The following RBFOX1 variants were observed in gnomAD, a reference collection of about 807,000 sequenced individuals.
The protein encoded by RBFOX1 is RNA binding protein fox-1 homolog 1.
A neutral mutation model predicts 57.7 loss-of-function variants in RBFOX1; 8 were observed. That is an observed-to-expected ratio of 0.14 (90% CI 0.08 to 0.25). The LOEUF (loss-of-function observed/expected upper bound fraction) is 0.25, where lower values mean the gene tolerates loss of function less well. Among genes scored for constraint, RBFOX1 ranks in the 10% least tolerant of loss-of-function variants. The pLI, the probability that RBFOX1 is intolerant of heterozygous loss-of-function variation, is 1.00. For missense variants in RBFOX1, 611 were observed against 548.5 expected (o/e 1.11, Z -1.14); for synonymous variants, 326 against 222.4 (o/e 1.47, Z -4.15).
chr16:6,972,256 C>T (rs946079158), intron 3 of RBFOX1, among the ~76,000 whole-genome samples: 4 of 151,948 alleles, frequency 2.6e-5, no homozygotes, highest in Non-Finnish European at 5.9e-5. Flanking sequence ...CCCCTTTCTC[C>T]CTCTCCCCAG....
At chr16:5,287,745 A>C (rs1357186505) in intron 1 of RBFOX1, among the ~76,000 whole-genome samples, 1 of 152,116 alleles carries the variant, frequency 6.6e-6, no homozygotes, top group East Asian at 1.9e-4. Flanking sequence ...ACAGTTTCCA[A>C]GTTTTTGGTC....
At chr16:6,908,587 A>C (rs2070716166) in intron 3 of RBFOX1, among the ~76,000 whole-genome samples, 1 of 152,204 alleles carries the variant, frequency 6.6e-6, no homozygotes, top group South Asian at 2.1e-4. Flanking sequence ...TGTGCCTGGC[A>C]CAGTGCTGAA....
chr16:5,285,086 C>T (rs1218506104), intron 1 of RBFOX1, among the ~76,000 whole-genome samples: 1 of 152,134 alleles, frequency 6.6e-6, no homozygotes. Context: ...CCATCTGGAA[C>T]TCCAAGAATT....
At chr16:7,510,774 C>G (rs559173119) in intron 4 of RBFOX1, among the ~76,000 whole-genome samples, 1 of 152,246 alleles carries the variant, frequency 6.6e-6, no homozygotes, top group South Asian at 2.1e-4. Context: ...CTGCAAGCAA[C>G]CATCAAGAAT....
chr16:6,426,436 A>T (rs1597082114), intron 2 of RBFOX1, among the ~76,000 whole-genome samples: 1 of 152,152 alleles, frequency 6.6e-6, no homozygotes, highest in South Asian at 2.1e-4. Context: ...GAGATAATCT[A>T]GGAGTCGGAG....
chr16:5,774,738 A>C (rs1359843214), intron 3 of RBFOX1, among the ~76,000 whole-genome samples: 2 of 152,156 alleles, frequency 1.3e-5, no homozygotes, highest in Non-Finnish European at 2.9e-5. Flanking sequence ...ACTAGAGTGC[A>C]GTGGCGCAAT....
chr16:5,345,995 A>G (rs962220335), intron 1 of RBFOX1, among the ~76,000 whole-genome samples: 11 of 152,198 alleles, frequency 7.2e-5, no homozygotes, highest in African/African-American at 2.7e-4. Flanking sequence ...ATGGAATAAC[A>G]TGGTGTGGGG....
At chr16:7,209,973 A>G (rs1381049212) in intron 4 of RBFOX1, among the ~76,000 whole-genome samples, 2 of 152,094 alleles carry the variant, frequency 1.3e-5, no homozygotes, top group African/African-American at 2.4e-5. Flanking sequence ...CCATTGATTC[A>G]CCTGTGCTTA....
chr16:5,734,653 C>T (rs1220921375), intron 3 of RBFOX1, among the ~76,000 whole-genome samples: 7 of 152,140 alleles, frequency 4.6e-5, no homozygotes, highest in African/African-American at 9.7e-5. Flanking sequence ...ACCTGCCTGT[C>T]GCCTTCCTCT....
At chr16:5,843,934 A>G (rs569031067) in intron 3 of RBFOX1, among the ~76,000 whole-genome samples, 1 of 152,224 alleles carries the variant, frequency 6.6e-6, no homozygotes, top group Non-Finnish European at 1.5e-5. Context: ...GAATTTTCCT[A>G]TCAGAAAAGT....
chr16:5,991,447 G>C (rs1476239970), intron 4 of RBFOX1, among the ~76,000 whole-genome samples: 1 of 152,128 alleles, frequency 6.6e-6, no homozygotes. Context: ...TTTGTGCTGG[G>C]GAATGGCAAT....
In RBFOX1 at chr16:6,294,707, A is replaced by G. The variant is rs550325420; in HGVS notation, c.-126-22288A>G. ...AAGTTTAGAAAATTGTGTTTTGGCAATTGGCACATAAATACCAGGTTGTCC... is the reference window on the plus strand; with the variant it reads ...AAGTTTAGAAAATTGTGTTTTGGCAGTTGGCACATAAATACCAGGTTGTCC... On this transcript the variant is annotated intron_variant, in intron 1 of 15. Coordinates refer to ENST00000550418, the MANE Select transcript of RBFOX1 (RefSeq NM_018723.4). 2.0e-3 allele frequency among the ~76,000 whole-genome samples: 303 copies of G among 152,316 alleles called. 1 individual carries two copies. Among genetic ancestry groups the G allele is most frequent in the African/African-American group, 7.0e-3 (292 of 41,578 alleles).
At chr16:5,722,645 C>G (rs1023236037) in intron 3 of RBFOX1, among the ~76,000 whole-genome samples, 2 of 152,192 alleles carry the variant, frequency 1.3e-5, no homozygotes, top group African/African-American at 4.8e-5. Context: ...GAGTCTGCAT[C>G]TGAAGTAGAC....
chr16:6,698,899 C>T (rs979462837), intron 3 of RBFOX1, among the ~76,000 whole-genome samples: 12 of 152,268 alleles, frequency 7.9e-5, no homozygotes, highest in African/African-American at 2.9e-4. Context: ...ATATTTTCCC[C>T]CTTATTCATA....
intron 2 of RBFOX1, among the ~76,000 whole-genome samples, chr16:6,552,560 A>G (rs934668494): frequency 1.9e-4 from 29 of 152,216 alleles, no homozygotes; most frequent in African/African-American, 7.0e-4. Context: ...TGTTGTGTGC[A>G]TTGATGGCAA....
chr16:5,941,769 C>G (rs913098549), intron 4 of RBFOX1, among the ~76,000 whole-genome samples: 4 of 151,980 alleles, frequency 2.6e-5, no homozygotes, highest in Non-Finnish European at 5.9e-5. Flanking sequence ...AAACCTCTTC[C>G]CGTGAGCTCA....
chr16:7,149,758 C>G (rs1259646813), intron 4 of RBFOX1, among the ~76,000 whole-genome samples: 1 of 152,076 alleles, frequency 6.6e-6, no homozygotes, highest in Non-Finnish European at 1.5e-5. Flanking sequence ...CTACCCCATT[C>G]TGACAACTGT....
In RBFOX1 at chr16:5,554,287, A is replaced by C. The variant is rs528896048; in HGVS notation, c.259-44615A>C. Among the ~76,000 whole-genome samples, 4 of 152,196 alleles carry C rather than the reference A, an allele frequency of 2.6e-5. No individual in the cohort carries two copies. In the South Asian group the frequency reaches 8.3e-4, roughly 32 times the overall value. On this transcript the variant is annotated intron_variant, in intron 2 of 2. Coordinates refer to the RBFOX1 transcript ENST00000585867. ...TGCCTGGCCTTTTTCTATGTATTCT[A>C]TTGACAATAATGACCTAAAAGCATA...
intron 4 of RBFOX1, among the ~76,000 whole-genome samples, chr16:7,393,811 G>C (rs745983551): frequency 6.6e-6 from 1 of 152,174 alleles, no homozygotes; most frequent in Admixed American, 6.5e-5. Flanking sequence ...CTCTGGCTAA[G>C]GTGAATCATG....
Sources: allele counts gnomAD v4.1 joint callset (sites outside exome capture counted in the v4.1 genomes callset), GRCh38; gene constraint gnomAD v4.1.1; transcripts MANE v1.5; gene names NCBI Gene and HGNC (gene_info 2026-07-23, HGNC 2026-07-21).